BASP1: variants seen among roughly 807,000 people sequenced by gnomAD.
The protein encoded by BASP1 is brain abundant membrane attached signal protein 1.
A neutral mutation model predicts 2.2 loss-of-function variants in BASP1; 1 was observed. The observed-to-expected ratio is 0.46, with a 90% CI of 0.16 to 2.17. BASP1 has a LOEUF of 2.17. BASP1 is among the 30% of genes most tolerant of loss of function. The probability of loss-of-function intolerance (pLI) is 0.27; values close to 1 mark genes in which losing one functional copy is unlikely to be tolerated. For missense variants in BASP1, 352 were observed against 327.2 expected, an observed-to-expected ratio of 1.08 and a Z score of -0.58; for synonymous variants, 187 against 154.2, an observed-to-expected ratio of 1.21 and a Z score of -1.58.
chr5:17,226,422 C>T (rs1180523063), intron 1 of BASP1, among the ~76,000 whole-genome samples: 1 of 152,152 alleles, frequency 6.6e-6, no homozygotes, highest in Non-Finnish European at 1.5e-5. Flanking sequence ...ATTCAAAACA[C>T]CATTACCACG....
intron 1 of BASP1, among the ~76,000 whole-genome samples, chr5:17,241,114 T>TC (rs1739854271): frequency 6.6e-6 from 1 of 151,526 alleles, no homozygotes; most frequent in East Asian, 1.9e-4. Context: ...TTTTTTTTTT[T>TC]CTTGAGGCCG....
chr5:17,269,186 T>G (rs180797057), intron 1 of BASP1, among the ~76,000 whole-genome samples: 11 of 152,328 alleles, frequency 7.2e-5, no homozygotes, highest in Admixed American at 7.2e-4. Context: ...ATGAAGAAGT[T>G]AGAGAAACTT....
At chr5:17,242,420 C>T (rs553240971) in intron 1 of BASP1, among the ~76,000 whole-genome samples, 2 of 151,994 alleles carry the variant, frequency 1.3e-5, no homozygotes, top group East Asian at 3.9e-4. Context: ...CCACCCCATG[C>T]ATAGTTTCCC....
chr5:17,249,212 T>C (rs1024627587), intron 1 of BASP1, among the ~76,000 whole-genome samples: 7 of 152,150 alleles, frequency 4.6e-5, no homozygotes, highest in Non-Finnish European at 7.3e-5. Context: ...TGGCCTTGCA[T>C]TGATGGTGGG....
chr5:17,252,450 C>CT (rs1740121532), intron 1 of BASP1, among the ~76,000 whole-genome samples: 1 of 152,142 alleles, frequency 6.6e-6, no homozygotes, highest in Admixed American at 6.5e-5. Context: ...GGTTAGGTTA[C>CT]TTGCTGTGTG....
chr5:17,243,699 C>G (rs1579489726), intron 1 of BASP1, among the ~76,000 whole-genome samples: 1 of 152,170 alleles, frequency 6.6e-6, no homozygotes, highest in East Asian at 1.9e-4. Flanking sequence ...TTGTGTCTCA[C>G]CATATGATCT....
chr5:17,274,276 T>G (rs980292395), intron 1 of BASP1, among the ~76,000 whole-genome samples: 1 of 152,154 alleles, frequency 6.6e-6, no homozygotes, highest in African/African-American at 2.4e-5. Context: ...TTGAAATGAA[T>G]TTATGTCAGA....
intron 1 of BASP1, among the ~76,000 whole-genome samples, chr5:17,273,922 C>T (rs1021673595): frequency 1.3e-5 from 2 of 152,150 alleles, no homozygotes; most frequent in Admixed American, 6.5e-5. Flanking sequence ...GCAAAAGCAA[C>T]ATTTCAGTGG....
In BASP1 at chr5:17,253,511, C is replaced by T. The variant is rs76519046; in HGVS notation, c.-9-21697C>T. ...TACAGGCATGAGCTACCATGTCTGG[C>T]TTATAATGATCTTTTACAAGTGTAA... is the stretch of plus-strand genomic sequence containing the variant. On this transcript the variant is annotated intron_variant, in intron 1 of 1. Coordinates refer to ENST00000322611, the MANE Select transcript of BASP1 (RefSeq NM_006317.5). 2.1e-3 allele frequency among the ~76,000 whole-genome samples: 327 copies of T among 152,298 alleles called. 1 individual carries two copies. Among genetic ancestry groups the T allele is most frequent in the Middle Eastern group, 6.8e-3 (2 of 294 alleles).
At chr5:17,237,639 C>G (rs916985843) in intron 1 of BASP1, among the ~76,000 whole-genome samples, 19 of 122,342 alleles carry the variant, frequency 1.6e-4, no homozygotes, top group Non-Finnish European at 2.3e-4. Context: ...TTTTTTTTTC[C>G]GTGATGGAGT....
intron 1 of BASP1, among the ~76,000 whole-genome samples, chr5:17,242,409 C>G (rs1317344228): frequency 6.6e-6 from 1 of 151,958 alleles, no homozygotes; most frequent in Non-Finnish European, 1.5e-5. Context: ...TGCGCCGCCC[C>G]CCACCCCATG....
At chr5:17,228,643 G>A (rs1445020058) in intron 1 of BASP1, among the ~76,000 whole-genome samples, 1 of 152,196 alleles carries the variant, frequency 6.6e-6, no homozygotes, top group African/African-American at 2.4e-5. Flanking sequence ...CCATATCCTT[G>A]TTTCCAGCAA....
At chr5:17,270,515 A>G (rs1025775514) in intron 1 of BASP1, among the ~76,000 whole-genome samples, 5 of 152,254 alleles carry the variant, frequency 3.3e-5, no homozygotes, top group Non-Finnish European at 7.3e-5. Flanking sequence ...GTGACAACAG[A>G]TAACTGTAAA....
chr5:17,228,901 T>C (rs1366247907), intron 1 of BASP1, among the ~76,000 whole-genome samples: 1 of 152,154 alleles, frequency 6.6e-6, no homozygotes, highest in African/African-American at 2.4e-5. Flanking sequence ...AATGATGTAA[T>C]GCTGCAAAAA....
intron 1 of BASP1, among the ~76,000 whole-genome samples, chr5:17,273,429 G>C (rs962053676): frequency 1.3e-5 from 2 of 152,064 alleles, no homozygotes; most frequent in African/African-American, 4.8e-5. Context: ...AGAATCTTAG[G>C]TAACATCATA....
intron 1 of BASP1, among the ~76,000 whole-genome samples, chr5:17,222,636 C>A (rs2126486706): frequency 6.6e-6 from 1 of 152,230 alleles, no homozygotes; most frequent in African/African-American, 2.4e-5. Context: ...CTCTAGAAGT[C>A]AGAAATGGGA....
chr5:17,223,906 C>T (rs1739438640), intron 1 of BASP1, among the ~76,000 whole-genome samples: 1 of 152,190 alleles, frequency 6.6e-6, no homozygotes, highest in African/African-American at 2.4e-5. Context: ...CCACCCTGCC[C>T]CTGCCAAACA....
chr5:17,259,629 A>G (rs1023147479), intron 1 of BASP1, among the ~76,000 whole-genome samples: 2 of 152,244 alleles, frequency 1.3e-5, no homozygotes, highest in African/African-American at 4.8e-5. Context: ...AAATTGATAC[A>G]TGAAAATGTC....
intron 1 of BASP1, among the ~76,000 whole-genome samples, chr5:17,238,933 C>T (rs562546307): frequency 3.3e-5 from 5 of 152,154 alleles, no homozygotes; most frequent in African/African-American, 4.8e-5. Flanking sequence ...GTCTGATCAA[C>T]GGGTAGGAAA....
Sources: allele counts gnomAD v4.1 joint callset (sites outside exome capture counted in the v4.1 genomes callset), GRCh38; gene constraint gnomAD v4.1.1; transcripts MANE v1.5; gene names NCBI Gene and HGNC (gene_info 2026-07-23, HGNC 2026-07-21).